The following PLCL2 variants were observed in gnomAD, a reference collection of about 807,000 sequenced individuals.
PLCL2 encodes phospholipase C like 2, also known as inactive phospholipase C-like protein 2.
Under a neutral mutation model 79.6 loss-of-function variants are expected in PLCL2, and 4 were observed. That is an observed-to-expected ratio of 0.05 (90% CI 0.02 to 0.11). The LOEUF (loss-of-function observed/expected upper bound fraction) is 0.11, where lower values mean the gene tolerates loss of function less well. Among genes scored for constraint, PLCL2 ranks in the 10% least tolerant of loss-of-function variants. The pLI, the probability that PLCL2 is intolerant of heterozygous loss-of-function variation, is 1.00. For missense variants in PLCL2, 895 were observed against 1,291.0 expected (o/e 0.69, Z 4.70); for synonymous variants, 484 against 457.7 (o/e 1.06, Z -0.73).
chr3:16,977,768 C>T (rs1469362113), intron 1 of PLCL2, among the ~76,000 whole-genome samples: 1 of 152,106 alleles, frequency 6.6e-6, no homozygotes, highest in Non-Finnish European at 1.5e-5. Flanking sequence ...ACAAAATATC[C>T]TTGACTGGGT....
rs2064308938 is a variant in PLCL2, at chr3:17,010,396, G to C, written c.1050G>C (p.Gln350His). ...CTGAAATTTATTTCCTTTTAGTTCA[G>C]TTTTCAAGCAATAAAGAATTCCTTG... is the stretch of plus-strand genomic sequence containing the variant. ...TRPEIYFLLVQFSSNKEFLDT... is the reference protein window; with the variant it reads ...TRPEIYFLLVHFSSNKEFLDT... Residue 350 changes from glutamine (Q) to histidine (H), a missense_variant, in exon 2 of 6, where the codon CAG becomes CAC. Physicochemically the swap from Gln to His is conservative, Grantham distance 24 (BLOSUM62 0). Transcript: ENST00000615277. The surrounding 1 kb of genome is among the most constrained non-coding windows in gnomAD (Gnocchi z 5.8). 6.2e-7 allele frequency: 1 copy of C among 1,613,720 alleles called. No individual in the cohort carries two copies. Among genetic ancestry groups the C allele is most frequent in the African/African-American group, 1.3e-5 (1 of 74,902 alleles).
chr3:16,923,305 C>T (rs1218963565), intron 1 of PLCL2, among the ~76,000 whole-genome samples: 1 of 152,164 alleles, frequency 6.6e-6, no homozygotes, highest in African/African-American at 2.4e-5. Flanking sequence ...GCAGGTATCA[C>T]ATCAGGTGAT....
At chr3:16,888,548 G>C (rs1441037) in intron 1 of PLCL2, among the ~76,000 whole-genome samples, 2 of 151,982 alleles carry the variant, frequency 1.3e-5, no homozygotes, top group East Asian at 1.9e-4. Context: ...AGAAGAAGCC[G>C]TTATGTTTGT....
intron 4 of PLCL2, among the ~76,000 whole-genome samples, chr3:17,043,753 T>C (rs2064752414): frequency 6.6e-6 from 1 of 152,140 alleles, no homozygotes; most frequent in African/African-American, 2.4e-5. Flanking sequence ...TTAAAATAGA[T>C]TGAAGATAAG....
At chr3:16,977,120 A>G (rs1207316964) in intron 1 of PLCL2, among the ~76,000 whole-genome samples, 1 of 152,164 alleles carries the variant, frequency 6.6e-6, no homozygotes, top group Non-Finnish European at 1.5e-5. Context: ...ATACGCACAC[A>G]CACACACACA....
At chr3:17,083,510 G>T (rs1386343666) in intron 5 of PLCL2, among the ~76,000 whole-genome samples, 1 of 152,166 alleles carries the variant, frequency 6.6e-6, no homozygotes, top group Non-Finnish European at 1.5e-5. Flanking sequence ...TATTTGGGGA[G>T]CTGCTGAAGG....
At chr3:16,913,182 T>A (rs548693268) in intron 1 of PLCL2, among the ~76,000 whole-genome samples, 120 of 152,128 alleles carry the variant, frequency 7.9e-4, no homozygotes, top group Non-Finnish European at 1.3e-3. Context: ...CTCACCAACC[T>A]CCGTCTTGGC....
At chr3:17,075,793 G>A (rs2065103821) in intron 5 of PLCL2, among the ~76,000 whole-genome samples, 1 of 152,148 alleles carries the variant, frequency 6.6e-6, no homozygotes, top group South Asian at 2.1e-4. Flanking sequence ...TTTTCTGCCT[G>A]GCTTATTTCA....
chr3:17,030,278 A>G (rs2064566679), intron 3 of PLCL2, among the ~76,000 whole-genome samples: 1 of 152,132 alleles, frequency 6.6e-6, no homozygotes, highest in South Asian at 2.1e-4. Flanking sequence ...ACCTCAAAGG[A>G]TTATAAGACT....
chr3:16,953,970 C>A (rs1021767742), intron 1 of PLCL2, among the ~76,000 whole-genome samples: 4 of 152,138 alleles, frequency 2.6e-5, no homozygotes, highest in South Asian at 4.2e-4. Flanking sequence ...CTGTTTCACA[C>A]AATATTAAGA....
intron 1 of PLCL2, chr3:16,933,412 C>G (rs1697457068): frequency 6.5e-6 from 1 of 154,102 alleles, no homozygotes; most frequent in Non-Finnish European, 1.5e-5. Context: ...CCAAAGTAAG[C>G]TATCATTGAA....
intron 3 of PLCL2, among the ~76,000 whole-genome samples, chr3:17,020,200 A>G (rs867959059): frequency 3.3e-5 from 5 of 152,346 alleles, no homozygotes; most frequent in South Asian, 2.1e-4. Flanking sequence ...ATAGAGACCA[A>G]GGAGTCAACA....
chr3:17,062,681 A>G (rs1464334706), intron 4 of PLCL2, among the ~76,000 whole-genome samples: 1 of 152,236 alleles, frequency 6.6e-6, no homozygotes, highest in African/African-American at 2.4e-5. Context: ...ACTTCAAGAT[A>G]ATGTGAACAA....
chr3:16,940,154 C>CT (rs1476494614), intron 1 of PLCL2, among the ~76,000 whole-genome samples: 2 of 152,134 alleles, frequency 1.3e-5, no homozygotes, highest in African/African-American at 4.8e-5. Flanking sequence ...CCAGATGTCC[C>CT]TCCCGGCGGG....
At chr3:17,033,148 T>C (rs1448827738) in intron 3 of PLCL2, among the ~76,000 whole-genome samples, 3 of 152,200 alleles carry the variant, frequency 2.0e-5, no homozygotes, top group Non-Finnish European at 4.4e-5. Flanking sequence ...GGTACTACCC[T>C]AGCTCTGAAG....
intron 4 of PLCL2, among the ~76,000 whole-genome samples, chr3:17,066,804 G>A (rs2065015209): frequency 6.6e-6 from 1 of 152,134 alleles, no homozygotes; most frequent in South Asian, 2.1e-4. Context: ...ACTGTACATA[G>A]TATGCTACTT....
At chr3:16,952,106 A>G (rs1444040323) in intron 1 of PLCL2, among the ~76,000 whole-genome samples, 3 of 151,854 alleles carry the variant, frequency 2.0e-5, no homozygotes, top group African/African-American at 7.3e-5. Flanking sequence ...GCATGTTCTC[A>G]CTCATAAGTG....
intron 1 of PLCL2, among the ~76,000 whole-genome samples, chr3:16,943,647 GT>G (rs1213213683): frequency 6.6e-6 from 1 of 152,012 alleles, no homozygotes; most frequent in Non-Finnish European, 1.5e-5. Flanking sequence ...TAACATATGT[GT>G]TTTTAAAAGA....
chr3:16,937,953 T>C (rs1198090793), intron 1 of PLCL2, among the ~76,000 whole-genome samples: 2 of 152,230 alleles, frequency 1.3e-5, no homozygotes, highest in African/African-American at 4.8e-5. Context: ...AATTACCTTA[T>C]GAAAAGTTGG....
Sources: gnomAD v4.1 joint callset for allele counts (sites outside exome capture counted in the v4.1 genomes callset) on GRCh38, gnomAD v4.1.1 for gene constraint, Gnocchi (gnomAD v3.1) non-coding constraint, MANE v1.5 for transcripts, NCBI Gene and HGNC (gene_info 2026-07-23, HGNC 2026-07-21) for gene names.